The following LRRC49 variants were observed in gnomAD, a reference collection of about 807,000 sequenced individuals.
The protein encoded by LRRC49 is leucine-rich repeat-containing protein 49.
Under a neutral mutation model 83.3 loss-of-function variants are expected in LRRC49, and 50 were observed. The observed-to-expected ratio is 0.60, with a 90% CI of 0.48 to 0.76. The LOEUF is 0.76. LRRC49 is among the 30% of genes least tolerant of loss of function. LRRC49 has a pLI of 0.00. For synonymous variants in LRRC49, 286 were observed against 283.3 expected (o/e 1.01, Z -0.10); for missense variants, 704 against 809.1 (o/e 0.87, Z 1.58).
intron 13 of LRRC49, among the ~76,000 whole-genome samples, chr15:71,011,907 T>C (rs917461781): frequency 7.2e-5 from 11 of 152,282 alleles, no homozygotes; most frequent in African/African-American, 2.6e-4. Context: ...CAAAATTTAA[T>C]TATACCAGGG....
At chr15:71,031,680 C>T (rs1043852085) in intron 14 of LRRC49, among the ~76,000 whole-genome samples, 1 of 152,190 alleles carries the variant, frequency 6.6e-6, no homozygotes, top group Non-Finnish European at 1.5e-5. Context: ...CTGAATGGGG[C>T]TGTTACCTTT....
At chr15:70,994,302 A>G (rs1036241671) in intron 11 of LRRC49, among the ~76,000 whole-genome samples, 1 of 152,258 alleles carries the variant, frequency 6.6e-6, no homozygotes, top group African/African-American at 2.4e-5. Context: ...ATATGTGCAC[A>G]TATTTCTGGA....
chr15:70,942,314 G>A (rs2035851077), intron 8 of LRRC49, among the ~76,000 whole-genome samples: 1 of 152,010 alleles, frequency 6.6e-6, no homozygotes, highest in African/African-American at 2.4e-5. Context: ...TGGTGCATAA[G>A]GGCCTTAAAA....
In LRRC49 at chr15:70,892,892, A is replaced by G; in HGVS notation, c.-3A>G. ...TAACAGAGAACCTGGACTGTCTCCT[A>G]TCATGATTCCCGGGAAATATCGCTC... On this transcript the variant is annotated 5_prime_UTR_variant, in exon 1 of 16. Coordinates refer to ENST00000260382, the MANE Select transcript of LRRC49 (RefSeq NM_017691.5). The G allele has an allele frequency of 6.2e-7, 1 of 1,614,216 alleles. No homozygotes were observed. Among genetic ancestry groups the G allele is most frequent in the Non-Finnish European group, 8.5e-7 (1 of 1,180,034 alleles).
chr15:71,030,852 G>A (rs551876923), intron 14 of LRRC49, among the ~76,000 whole-genome samples: 1 of 152,010 alleles, frequency 6.6e-6, no homozygotes, highest in East Asian at 1.9e-4. Context: ...CTCGTGCTGT[G>A]TTTTTCAGCT....
At chr15:70,888,081 G>A (rs1165044160), upstream of LRRC49, among the ~76,000 whole-genome samples, 4 of 152,116 alleles carry the variant, frequency 2.6e-5, no homozygotes, top group Admixed American at 6.5e-5. Flanking sequence ...GATTAGAAGA[G>A]TCAATATTGT....
intron 9 of LRRC49, among the ~76,000 whole-genome samples, chr15:70,964,938 C>G (rs1221659279): frequency 6.6e-6 from 1 of 152,102 alleles, no homozygotes; most frequent in Non-Finnish European, 1.5e-5. Flanking sequence ...TACTGTGGAC[C>G]TCTAAGGTGG....
chr15:70,984,284 C>G (rs775337844), intron 11 of LRRC49, 27 bp downstream of exon 11: 17 of 1,538,060 alleles, frequency 1.1e-5, no homozygotes, highest in Non-Finnish European at 1.1e-5. Context: ...TTTCAAGATA[C>G]AAGCATCTTT....
At chr15:70,978,432 A>G (rs946950130) in intron 9 of LRRC49, among the ~76,000 whole-genome samples, 3 of 152,200 alleles carry the variant, frequency 2.0e-5, no homozygotes, top group Admixed American at 6.6e-5. Context: ...ACTTTTGTCC[A>G]TATGACATTG....
intron 5 of LRRC49, among the ~76,000 whole-genome samples, chr15:70,905,780 A>G (rs1026878621): frequency 3.9e-5 from 6 of 152,142 alleles, no homozygotes; most frequent in Non-Finnish European, 5.9e-5. Flanking sequence ...CTGTGTCTTC[A>G]TTCCCTTTTT....
chr15:70,931,982 G>A, intron 7 of LRRC49, among the ~76,000 whole-genome samples: 1 of 152,116 alleles, frequency 6.6e-6, no homozygotes, highest in East Asian at 1.9e-4. Flanking sequence ...TTTCCTCAAA[G>A]CTGTTAAATC....
upstream of LRRC49, chr15:70,892,367 C>T: frequency 6.5e-7 from 1 of 1,547,448 alleles, no homozygotes; most frequent in Non-Finnish European, 8.7e-7. Flanking sequence ...GTCCTCCCCT[C>T]CTCACCTGTC....
At chr15:70,955,887 TTA>T (rs1259164075) in intron 8 of LRRC49, among the ~76,000 whole-genome samples, 1 of 152,210 alleles carries the variant, frequency 6.6e-6, no homozygotes, top group African/African-American at 2.4e-5. Flanking sequence ...TCTAGTTATT[TTA>T]TGTTTGTCAG....
At chr15:70,974,400 C>G (rs971515234) in intron 9 of LRRC49, among the ~76,000 whole-genome samples, 1 of 152,140 alleles carries the variant, frequency 6.6e-6, no homozygotes, top group South Asian at 2.1e-4. Context: ...ACTTACAGAA[C>G]ATGAAGTAAT....
chr15:71,000,438 G>A (rs1214173723), intron 11 of LRRC49, among the ~76,000 whole-genome samples: 1 of 152,150 alleles, frequency 6.6e-6, no homozygotes, highest in African/African-American at 2.4e-5. Context: ...CTGGTAAACA[G>A]TATTTAAGTC....
chr15:70,962,373 C>T (rs1025014754), intron 8 of LRRC49, among the ~76,000 whole-genome samples: 2 of 152,082 alleles, frequency 1.3e-5, no homozygotes, highest in Non-Finnish European at 2.9e-5. Flanking sequence ...TGCATATACA[C>T]AGGTTTCTGT....
At chr15:70,859,804 G>T in intron 1 of LRRC49, 1 of 752,516 alleles carries the variant, frequency 1.3e-6, no homozygotes. Context: ...AATGGGCCAG[G>T]CAGGATATGG....
Position 70,991,449 on chromosome 15 carries a change from A to G in LRRC49, c.1169+7192A>G, listed in dbSNP as rs1596111100. The stretch of plus-strand genomic sequence containing the variant: ...GGGATAGTATTTGCATATAACCTAT[A>G]TTCTTCCTGCCATATACTTGAAATC... On this transcript the variant is annotated intron_variant, in intron 11 of 15. Coordinates refer to ENST00000260382, the MANE Select transcript of LRRC49 (RefSeq NM_017691.5). Among the ~76,000 whole-genome samples, 6 of 152,108 alleles carry G rather than the reference A, an allele frequency of 3.9e-5. No individual in the cohort carries two copies. The South Asian group carries it at 8.3e-4, about 21-fold the overall frequency.
At chr15:70,956,236 G>A (rs1276278989) in intron 8 of LRRC49, among the ~76,000 whole-genome samples, 1 of 152,120 alleles carries the variant, frequency 6.6e-6, no homozygotes, top group Non-Finnish European at 1.5e-5. Flanking sequence ...TATTAAGTAA[G>A]CATAAAATGG....
Sources: gnomAD v4.1 joint callset for allele counts (sites outside exome capture counted in the v4.1 genomes callset) on GRCh38, gnomAD v4.1.1 for gene constraint, MANE v1.5 for transcripts, NCBI Gene and HGNC (gene_info 2026-07-23, HGNC 2026-07-21) for gene names.